FGD4: variants seen among roughly 807,000 people sequenced by gnomAD.
The protein encoded by FGD4 is FYVE, RhoGEF and PH domain-containing protein 4.
FGD4 carries 42 observed loss-of-function variants against 102.0 expected under a neutral mutation model. The observed-to-expected ratio is 0.41, with a 90% CI of 0.32 to 0.53. The LOEUF is 0.53. FGD4 is among the 20% of genes least tolerant of loss of function. The pLI is 0.21. For synonymous variants in FGD4, 380 were observed against 375.7 expected, an observed-to-expected ratio of 1.01 and a Z score of -0.13; for missense variants, 902 against 1,078.2, an observed-to-expected ratio of 0.84 and a Z score of 2.29.
intron 1 of FGD4, among the ~76,000 whole-genome samples, chr12:32,493,397 C>T (rs1398371910): frequency 6.6e-6 from 1 of 152,150 alleles, no homozygotes; most frequent in Non-Finnish European, 1.5e-5. Flanking sequence ...ACTCTGTTGT[C>T]CTGGAGAAGG....
intron 1 of FGD4, among the ~76,000 whole-genome samples, chr12:32,448,667 A>G (rs983871516): frequency 2.2e-4 from 34 of 152,038 alleles, no homozygotes; most frequent in African/African-American, 8.0e-4. Flanking sequence ...GCAAAAAAAA[A>G]AAAAAGAAAA....
chr12:32,630,092 T>A (rs935979238), intron 14 of FGD4, among the ~76,000 whole-genome samples: 1 of 152,190 alleles, frequency 6.6e-6, no homozygotes, highest in Non-Finnish European at 1.5e-5. Context: ...TCCCAAGCTT[T>A]GTTTGCTCTA....
chr12:32,473,814 G>A (rs567522689), intron 1 of FGD4, among the ~76,000 whole-genome samples: 1 of 152,278 alleles, frequency 6.6e-6, no homozygotes, highest in South Asian at 2.1e-4. Context: ...TGGACCGGGC[G>A]CGGTGGCTCA....
intron 5 of FGD4, chr12:32,600,464 G>T: frequency 4.7e-6 from 6 of 1,284,776 alleles, no homozygotes; most frequent in Non-Finnish European, 6.1e-6. Context: ...CATTATGAAG[G>T]AATAGACCTC....
rs188509039 is a variant in FGD4, at chr12:32,527,080, C to T, written c.167-37057C>T. ...GGAAGGTAAAGTTTTCGGTAAGTTA[C>T]CAAAATTTGAAATTCATATACCATT... On this transcript the variant is annotated intron_variant, in intron 1 of 16. Transcript: ENST00000534526. 7.9e-4 allele frequency among the ~76,000 whole-genome samples: 120 copies of T among 152,062 alleles called. 2 individuals carry two copies. The highest frequency in any genetic ancestry group is 2.6e-3 in the African/African-American group (109 of 41,444).
At chr12:32,625,959 C>T (rs1428754718) in intron 14 of FGD4, among the ~76,000 whole-genome samples, 180 bp downstream of exon 14, 5 of 152,096 alleles carry the variant, frequency 3.3e-5, no homozygotes, top group Non-Finnish European at 7.4e-5. Context: ...CAAAATGTTC[C>T]CTGGCTTTAC....
chr12:32,440,955 A>G (rs1942415197), intron 1 of FGD4, among the ~76,000 whole-genome samples: 1 of 152,194 alleles, frequency 6.6e-6, no homozygotes, highest in Non-Finnish European at 1.5e-5. Context: ...GAGTACTGCC[A>G]GACTACTACT....
intron 1 of FGD4, among the ~76,000 whole-genome samples, chr12:32,550,694 AAG>A (rs1344075488): frequency 1.3e-5 from 2 of 151,168 alleles, no homozygotes; most frequent in African/African-American, 4.9e-5. Context: ...AAAAAAAAGA[AAG>A]AGACAAAAAG....
chr12:32,624,712 GAT>G (rs1308718442), intron 12 of FGD4: 1 of 658,308 alleles, frequency 1.5e-6, no homozygotes, highest in East Asian at 2.9e-5. Context: ...GAGCTCAAGC[GAT>G]CTGCCTGCCT....
In FGD4 at chr12:32,601,311, C is replaced by T. The variant is rs1948408994; in HGVS notation, c.1135C>T (p.Arg379Ter). 3.7e-6 allele frequency: 6 copies of T among 1,613,988 alleles called. No homozygotes were observed. The highest frequency in any genetic ancestry group is 5.1e-6 in the Non-Finnish European group (6 of 1,179,984). Residue 379 changes from arginine to a stop codon, truncating the protein, a stop_gained, in exon 6 of 17, where the codon CGA becomes TGA. Transcript: ENST00000534526. LOFTEE classifies it high-confidence loss of function. ...TTGCAAACTGTTGGAAGAAGCAAAC[C>T]GAGGCTCGTTTCCAGCAGAGATGGT... is the stretch of plus-strand genomic sequence containing the variant. ...FYCKLLEEAN[R>*]GSFPAEMVNK...
At chr12:32,420,803 A>G (rs917619695) in intron 1 of FGD4, among the ~76,000 whole-genome samples, 2 of 152,140 alleles carry the variant, frequency 1.3e-5, no homozygotes, top group Non-Finnish European at 2.9e-5. Flanking sequence ...GGCCTCTCAA[A>G]GTCCATTCAG....
chr12:32,433,501 A>G (rs1396813360), intron 1 of FGD4, among the ~76,000 whole-genome samples: 1 of 151,524 alleles, frequency 6.6e-6, no homozygotes, highest in Non-Finnish European at 1.5e-5. Context: ...GGCACCTGCC[A>G]TCATTTTTGT....
At chr12:32,635,572 CCT>C (rs1365930724) in intron 15 of FGD4, among the ~76,000 whole-genome samples, 1 of 152,102 alleles carries the variant, frequency 6.6e-6, no homozygotes, top group Non-Finnish European at 1.5e-5. Flanking sequence ...AACACACTTT[CCT>C]GTAAAGAGTC....
intron 8 of FGD4, among the ~76,000 whole-genome samples, chr12:32,609,562 C>T (rs1409665016): frequency 6.6e-6 from 1 of 152,180 alleles, no homozygotes; most frequent in African/African-American, 2.4e-5. Flanking sequence ...ATTCTACACT[C>T]AGACTTTGGT....
At chr12:32,565,551 T>C (rs1336436626) in intron 2 of FGD4, among the ~76,000 whole-genome samples, 1 of 152,200 alleles carries the variant, frequency 6.6e-6, no homozygotes, top group Non-Finnish European at 1.5e-5. Flanking sequence ...ATGAATACAA[T>C]TGTAGTTGTA....
chr12:32,402,881 G>A (rs904282995), intron 1 of FGD4, among the ~76,000 whole-genome samples: 4 of 151,962 alleles, frequency 2.6e-5, no homozygotes, highest in Admixed American at 6.6e-5. Context: ...AATTTGGGAA[G>A]GGTAAAAAAT....
chr12:32,423,557 A>G (rs113741075), intron 1 of FGD4, among the ~76,000 whole-genome samples: 2,269 of 148,526 alleles, frequency 0.015, 49 homozygotes, highest in African/African-American at 0.053. Flanking sequence ...ACGCCACTGC[A>G]TTCCAGCCTG....
At chr12:32,433,120 C>A (rs934263117) in intron 1 of FGD4, among the ~76,000 whole-genome samples, 1 of 151,884 alleles carries the variant, frequency 6.6e-6, no homozygotes, top group Admixed American at 6.6e-5. Flanking sequence ...CCTCAGCCTC[C>A]GAAAAAGCTG....
chr12:32,479,436 C>CA (rs1366689971), intron 1 of FGD4, among the ~76,000 whole-genome samples: 1 of 152,058 alleles, frequency 6.6e-6, no homozygotes, highest in Non-Finnish European at 1.5e-5. Context: ...CTTAAGCAGT[C>CA]ATCCTACCTC....
Sources: allele counts gnomAD v4.1 joint callset (sites outside exome capture counted in the v4.1 genomes callset), GRCh38; gene constraint gnomAD v4.1.1; transcripts MANE v1.5; gene names NCBI Gene and HGNC (gene_info 2026-07-23, HGNC 2026-07-21).